The following GLIS3 variants were observed in gnomAD, a reference collection of about 807,000 sequenced individuals.
GLIS3 encodes zinc finger protein GLIS3.
In GLIS3, 53 loss-of-function variants were observed where a neutral mutation model predicts 78.6. The ratio of observed to expected loss-of-function variants is 0.67; its 90% CI spans 0.54 to 0.85. The LOEUF is 0.85. GLIS3 is among the 40% of genes least tolerant of loss of function. The pLI is 0.00. For synonymous variants in GLIS3, 684 were observed against 509.9 expected (o/e 1.34, Z -4.60); for missense variants, 1,703 against 1,231.1 (o/e 1.38, Z -5.74).
chr9:4,163,654 C>A (rs1423248066), intron 2 of GLIS3, among the ~76,000 whole-genome samples: 1 of 152,130 alleles, frequency 6.6e-6, no homozygotes, highest in African/African-American at 2.4e-5. Context: ...TATATGCGGG[C>A]CAGTCATTGA....
chr9:4,435,015 G>C, the GLIS3 span, among the ~76,000 whole-genome samples: 1 of 152,210 alleles, frequency 6.6e-6, no homozygotes, highest in Non-Finnish European at 1.5e-5. Flanking sequence ...ACTCAAAGTT[G>C]TACAAGAATT....
the GLIS3 span, among the ~76,000 whole-genome samples, chr9:4,423,784 C>G: frequency 1.3e-5 from 2 of 152,282 alleles, no homozygotes; most frequent in Non-Finnish European, 2.9e-5. Flanking sequence ...TATTTCTAGA[C>G]CTTCGGCTAC....
chr9:4,487,428 T>C, the GLIS3 span, among the ~76,000 whole-genome samples: 1 of 152,188 alleles, frequency 6.6e-6, no homozygotes, highest in African/African-American at 2.4e-5. Flanking sequence ...GCCCCCATTT[T>C]ACAGATGAAG....
At chr9:4,183,994 ATTTTAT>A (rs1817557865) in intron 2 of GLIS3, among the ~76,000 whole-genome samples, 1 of 152,222 alleles carries the variant, frequency 6.6e-6, no homozygotes, top group Non-Finnish European at 1.5e-5. Flanking sequence ...ATTTCAATGC[ATTTTAT>A]TTTTATTTCC....
intron 4 of GLIS3, among the ~76,000 whole-genome samples, chr9:4,002,989 G>C (rs1018400448): frequency 6.6e-6 from 1 of 152,132 alleles, no homozygotes; most frequent in African/African-American, 2.4e-5. Flanking sequence ...GGAAACATCC[G>C]GTTTTGTGAG....
chr9:3,959,362 A>T (rs1817381562), intron 4 of GLIS3, among the ~76,000 whole-genome samples: 1 of 152,230 alleles, frequency 6.6e-6, no homozygotes, highest in African/African-American at 2.4e-5. Context: ...TGTAAGAAAT[A>T]CATTTCTGTT....
rs116729777 is a variant in GLIS3 at position 4,054,300 on chromosome 9, G to A, written c.1710+63468C>T. On this transcript the variant is annotated intron_variant, in intron 4 of 10. Transcript: ENST00000381971. ...GCACAGACCAGAGCCTGCAAACAAC[G>A]TACTCTACAGATGTTTCCACAACTC... 1.4e-3 allele frequency: 1,396 copies of A among 977,920 alleles called. 9 individuals are homozygous for A. The African/African-American group carries it at 0.014, about 10-fold the overall frequency. 60.6% of individuals were successfully genotyped at this position (977,920 alleles called of 1,614,324 possible).
intron 4 of GLIS3, among the ~76,000 whole-genome samples, chr9:4,007,909 G>A (rs902733466): frequency 7.5e-6 from 1 of 133,500 alleles, no homozygotes; most frequent in Non-Finnish European, 1.6e-5. Flanking sequence ...GGGGGGGGGG[G>A]TTACTCCAGT....
intron 2 of GLIS3, among the ~76,000 whole-genome samples, chr9:4,282,701 C>G (rs1406159067): frequency 1.3e-5 from 2 of 152,160 alleles, no homozygotes; most frequent in Non-Finnish European, 2.9e-5. Context: ...ACCTGCCACT[C>G]TCCATAATCC....
intron 4 of GLIS3, among the ~76,000 whole-genome samples, chr9:4,007,769 A>C (rs16920357): frequency 0.014 from 2,193 of 152,216 alleles, 52 homozygotes; most frequent in African/African-American, 0.049. Context: ...GGAGCACATA[A>C]ATCAAGAAGT....
At chr9:4,147,013 C>T (rs565168294) in intron 2 of GLIS3, among the ~76,000 whole-genome samples, 7 of 152,236 alleles carry the variant, frequency 4.6e-5, no homozygotes, top group South Asian at 4.1e-4. Flanking sequence ...GGCATTTCAC[C>T]GTATGCCTCT....
chr9:4,357,621 C>A, the GLIS3 span, among the ~76,000 whole-genome samples: 5 of 151,596 alleles, frequency 3.3e-5, no homozygotes, highest in African/African-American at 1.2e-4. Context: ...GGGTCTGTTT[C>A]TCTAGAAAAC....
At chr9:4,015,876 G>A (rs1236202760) in intron 4 of GLIS3, among the ~76,000 whole-genome samples, 1 of 124,892 alleles carries the variant, frequency 8.0e-6, no homozygotes, top group African/African-American at 3.3e-5. Flanking sequence ...GTGACAGAGC[G>A]AGACTCTGTC....
the GLIS3 span, among the ~76,000 whole-genome samples, chr9:4,444,955 C>T: frequency 2.0e-5 from 3 of 152,124 alleles, no homozygotes; most frequent in African/African-American, 4.8e-5. Context: ...AAAAAATATA[C>T]GACTATTTTT....
intron 9 of GLIS3, among the ~76,000 whole-genome samples, chr9:3,853,525 G>GA (rs1205652645): frequency 1.3e-5 from 2 of 152,128 alleles, no homozygotes; most frequent in Admixed American, 1.3e-4. Context: ...GGAATAGAAG[G>GA]AAAAGCATTA....
At chr9:4,366,905 A>T in the GLIS3 span, among the ~76,000 whole-genome samples, 1 of 152,180 alleles carries the variant, frequency 6.6e-6, no homozygotes, top group East Asian at 1.9e-4. Flanking sequence ...CTCGTGGAAG[A>T]CCACTAGCTC....
intron 4 of GLIS3, chr9:4,054,429 C>G (rs1825970613): frequency 1.0e-6 from 1 of 985,292 alleles, no homozygotes; most frequent in Admixed American, 6.1e-5. Flanking sequence ...GTTACAAACA[C>G]TTTGGCGAGA....
At chr9:4,354,351 T>C in the GLIS3 span, among the ~76,000 whole-genome samples, 18 of 152,312 alleles carry the variant, frequency 1.2e-4, no homozygotes, top group African/African-American at 3.4e-4. Flanking sequence ...TCATGCCATA[T>C]GGATGAGGGT....
chr9:4,237,065 G>C (rs908239227), intron 2 of GLIS3, among the ~76,000 whole-genome samples: 2 of 151,838 alleles, frequency 1.3e-5, no homozygotes, highest in South Asian at 4.2e-4. Context: ...AAATGTTTTA[G>C]AAAGCAATTT....
Sources: gnomAD v4.1 joint callset for allele counts (sites outside exome capture counted in the v4.1 genomes callset) on GRCh38, gnomAD v4.1.1 for gene constraint, MANE v1.5 for transcripts, NCBI Gene and HGNC (gene_info 2026-07-23, HGNC 2026-07-21) for gene names.